The following TMEM132D variants were observed in gnomAD, a reference collection of about 807,000 sequenced individuals.
TMEM132D encodes the protein transmembrane protein 132D, also known as mature OL transmembrane protein.
TMEM132D carries 21 observed loss-of-function variants against 62.3 expected under a neutral mutation model. The ratio of observed to expected loss-of-function variants is 0.34; its 90% CI spans 0.24 to 0.49. The LOEUF is 0.49. Ranked by LOEUF, TMEM132D falls within the 20% of genes least tolerant of loss-of-function variation. TMEM132D has a pLI of 0.99. For synonymous variants in TMEM132D, 621 were observed against 575.6 expected, an observed-to-expected ratio of 1.08 and a Z score of -1.13; for missense variants, 1,346 against 1,402.8, an observed-to-expected ratio of 0.96 and a Z score of 0.65.
intron 2 of TMEM132D, among the ~76,000 whole-genome samples, chr12:129,533,823 CA>C (rs1876299522): frequency 6.6e-6 from 1 of 152,128 alleles, no homozygotes; most frequent in Non-Finnish European, 1.5e-5. Flanking sequence ...AGAACATTTT[CA>C]TAATAGAACA....
intron 2 of TMEM132D, among the ~76,000 whole-genome samples, chr12:129,581,301 G>T (rs1181425576): frequency 6.6e-6 from 1 of 152,196 alleles, no homozygotes; most frequent in Non-Finnish European, 1.5e-5. Context: ...AGAACCATGA[G>T]CCAAGTGTAC....
At chr12:129,337,441 G>GCACACACACACACACACACACA (rs34583805) in intron 4 of TMEM132D, among the ~76,000 whole-genome samples, 193 bp downstream of exon 4, 22 of 148,228 alleles carry the variant, frequency 1.5e-4, no homozygotes, top group South Asian at 8.7e-4. Context: ...ATACACACAC[G>GCACACACACACACACACACACA]CACACACACA....
At chr12:129,190,536 G>A (rs1454412681) in intron 5 of TMEM132D, among the ~76,000 whole-genome samples, 3 of 78,272 alleles carry the variant, frequency 3.8e-5, no homozygotes, top group African/African-American at 5.7e-5. Context: ...GAGGGGTCTC[G>A]GCCTGCAGAT....
chr12:129,612,917 T>C (rs1466690161), intron 2 of TMEM132D, among the ~76,000 whole-genome samples: 1 of 152,196 alleles, frequency 6.6e-6, no homozygotes, highest in African/African-American at 2.4e-5. Context: ...CCAAAGGTTT[T>C]GTCAATCTAA....
At chr12:129,536,361 T>C (rs947962315) in intron 2 of TMEM132D, among the ~76,000 whole-genome samples, 3 of 152,202 alleles carry the variant, frequency 2.0e-5, no homozygotes, top group African/African-American at 7.2e-5. Context: ...TTGCTCTTTG[T>C]CTCCATACTT....
At chr12:129,499,330 C>G (rs1205937489) in intron 3 of TMEM132D, among the ~76,000 whole-genome samples, 1 of 152,068 alleles carries the variant, frequency 6.6e-6, no homozygotes, top group East Asian at 1.9e-4. Flanking sequence ...TGGCATTACT[C>G]AGAACAGAAA....
intron 1 of TMEM132D, among the ~76,000 whole-genome samples, chr12:129,785,270 C>G (rs757798440): frequency 6.6e-6 from 1 of 152,090 alleles, no homozygotes; most frequent in Non-Finnish European, 1.5e-5. Context: ...ATGTACTCCT[C>G]GCTCTACTTA....
chr12:129,469,723 C>CAGATTT (rs1874038267), intron 3 of TMEM132D, among the ~76,000 whole-genome samples: 1 of 152,204 alleles, frequency 6.6e-6, no homozygotes, highest in South Asian at 2.1e-4. Context: ...TTTTAGAAAA[C>CAGATTT]AGAATGGACA....
chr12:129,222,181 C>T (rs1386071330), intron 4 of TMEM132D, among the ~76,000 whole-genome samples: 1 of 152,140 alleles, frequency 6.6e-6, no homozygotes, highest in Non-Finnish European at 1.5e-5. Context: ...GCTGCAGATC[C>T]CACATGAGGC....
chr12:129,491,129 T>A (rs990364940), intron 3 of TMEM132D, among the ~76,000 whole-genome samples: 16 of 152,278 alleles, frequency 1.1e-4, no homozygotes, highest in African/African-American at 3.8e-4. Flanking sequence ...TCTGGTACCA[T>A]CACCTAGTTA....
chr12:129,545,727 T>G (rs1470160921), intron 2 of TMEM132D, among the ~76,000 whole-genome samples: 1 of 152,188 alleles, frequency 6.6e-6, no homozygotes, highest in East Asian at 1.9e-4. Context: ...AGAGAGTAAG[T>G]GTGGTTTCTT....
chr12:129,675,501 G>T (rs1338095700), intron 2 of TMEM132D, among the ~76,000 whole-genome samples: 4 of 151,968 alleles, frequency 2.6e-5, no homozygotes, highest in African/African-American at 9.7e-5. Flanking sequence ...GTAACAAACC[G>T]GCACATTCTG....
intron 3 of TMEM132D, among the ~76,000 whole-genome samples, chr12:129,498,125 C>T (rs991229765): frequency 6.6e-5 from 10 of 152,142 alleles, no homozygotes; most frequent in African/African-American, 2.4e-4. Context: ...GTAAACAGTA[C>T]ATAGGAAGCT....
chr12:129,404,388 G>T (rs1871711246), intron 3 of TMEM132D, among the ~76,000 whole-genome samples: 1 of 152,044 alleles, frequency 6.6e-6, no homozygotes, highest in Non-Finnish European at 1.5e-5. Flanking sequence ...GTAGAGATGG[G>T]GTTTCGCCAT....
intron 3 of TMEM132D, among the ~76,000 whole-genome samples, chr12:129,489,669 T>C (rs1874702201): frequency 6.6e-6 from 1 of 152,230 alleles, no homozygotes; most frequent in Admixed American, 6.5e-5. Flanking sequence ...AATGTAATTG[T>C]CTCTTTTAAA....
intron 3 of TMEM132D, among the ~76,000 whole-genome samples, chr12:129,375,361 A>G (rs1440665829): frequency 1.3e-5 from 2 of 152,232 alleles, no homozygotes; most frequent in East Asian, 1.9e-4. Context: ...ATTCGTGTTT[A>G]GAACAGTGGT....
intron 1 of TMEM132D, among the ~76,000 whole-genome samples, chr12:129,758,383 G>A (rs925213552): frequency 7.9e-5 from 12 of 151,890 alleles, no homozygotes; most frequent in Admixed American, 3.3e-4. Flanking sequence ...TCTCTTATCC[G>A]GATTATAGCA....
chr12:129,628,877 ACT>A (rs1879286145), intron 2 of TMEM132D, among the ~76,000 whole-genome samples: 1 of 150,074 alleles, frequency 6.7e-6, no homozygotes. Context: ...TCCTTCTCCT[ACT>A]CTGTCTCCCT....
At chr12:129,101,592 T>A (rs1025438527) in intron 5 of TMEM132D, among the ~76,000 whole-genome samples, 2 of 152,200 alleles carry the variant, frequency 1.3e-5, no homozygotes, top group Admixed American at 1.3e-4. Context: ...CAGTCAGAGC[T>A]ACACTCTACG....
Sources: allele counts gnomAD v4.1 joint callset (sites outside exome capture counted in the v4.1 genomes callset), GRCh38; gene constraint gnomAD v4.1.1; transcripts MANE v1.5; gene names NCBI Gene and HGNC (gene_info 2026-07-23, HGNC 2026-07-21).